NT5DC3: variants seen among roughly 807,000 people sequenced by gnomAD.
NT5DC3 encodes the protein 5'-nucleotidase domain containing 3.
In NT5DC3, 42 loss-of-function variants were observed where a neutral mutation model predicts 67.8. The ratio of observed to expected loss-of-function variants is 0.62; its 90% CI spans 0.48 to 0.80. The LOEUF (loss-of-function observed/expected upper bound fraction) is 0.80. NT5DC3 is among the 30% of genes least tolerant of loss of function. The pLI, the probability that NT5DC3 is intolerant of heterozygous loss-of-function variation, is 0.00. For missense variants in NT5DC3, 570 were observed against 696.4 expected (o/e 0.82, Z 2.04); for synonymous variants, 237 against 255.6 (o/e 0.93, Z 0.69).
intron 1 of NT5DC3, among the ~76,000 whole-genome samples, chr12:103,823,869 A>G (rs1158599437): frequency 6.6e-6 from 1 of 152,198 alleles, no homozygotes; most frequent in Non-Finnish European, 1.5e-5. Context: ...TCACATCCCT[A>G]ACTGCCAGTG....
intron 1 of NT5DC3, among the ~76,000 whole-genome samples, chr12:103,840,145 GA>G (rs1888317337): frequency 6.6e-6 from 1 of 152,200 alleles, no homozygotes; most frequent in Non-Finnish European, 1.5e-5. Context: ...CCCATCTATA[GA>G]ATGGGGATGT....
intron 2 of NT5DC3, among the ~76,000 whole-genome samples, chr12:103,814,634 A>G (rs561804422): frequency 1.9e-4 from 29 of 152,328 alleles, no homozygotes; most frequent in African/African-American, 6.7e-4. Flanking sequence ...CAGGCTGCCA[A>G]TTCATCAAGC....
downstream of NT5DC3, among the ~76,000 whole-genome samples, chr12:103,772,142 G>A: frequency 6.6e-6 from 1 of 152,102 alleles, no homozygotes; most frequent in East Asian, 1.9e-4. Flanking sequence ...ACTTTTTGAA[G>A]TCCCTTAGAA....
Position 103,840,371 on chromosome 12 carries a change from C to T in NT5DC3, c.208+578G>A, listed in dbSNP as rs570774381. ...CCTGGACCTCTCCTCTTTCAAACACCGCACAGCTCATCTCATCTCATCTCA... is the reference window on the plus strand; with the variant it reads ...CCTGGACCTCTCCTCTTTCAAACACTGCACAGCTCATCTCATCTCATCTCA... On this transcript the variant is annotated intron_variant, in intron 1 of 13. Coordinates refer to ENST00000392876, the MANE Select transcript of NT5DC3 (RefSeq NM_001031701.3). Among the ~76,000 whole-genome samples the T allele has an allele frequency of 1.9e-4, 21 of 113,168 alleles. No individual in the cohort carries two copies. The South Asian group carries it at 6.4e-3, about 34-fold the overall frequency. The allele number at this position is 113,168 out of a possible 152,430, so 74.2% of individuals were successfully genotyped here.
chr12:103,762,887 G>A, the NT5DC3 span, among the ~76,000 whole-genome samples: 16 of 152,342 alleles, frequency 1.1e-4, no homozygotes, highest in South Asian at 3.1e-3. Context: ...CCAATCAGCA[G>A]CCAGCTCTTG....
intron 1 of NT5DC3, among the ~76,000 whole-genome samples, chr12:103,829,883 CA>C (rs1295221180): frequency 8.0e-5 from 10 of 125,562 alleles, no homozygotes; most frequent in South Asian, 2.6e-4. Flanking sequence ...AGCTTTTAAT[CA>C]GAAAAAAAAA....
At chr12:103,750,878 G>A in the NT5DC3 span, among the ~76,000 whole-genome samples, 1 of 152,344 alleles carries the variant, frequency 6.6e-6, no homozygotes, top group East Asian at 1.9e-4. Context: ...ATCACTTGAG[G>A]TCAGGAGTTG....
intron 1 of NT5DC3, among the ~76,000 whole-genome samples, chr12:103,827,441 G>C (rs1441397743): frequency 6.6e-6 from 1 of 152,058 alleles, no homozygotes; most frequent in Non-Finnish European, 1.5e-5. Context: ...GTGTATAAAA[G>C]AGTACTGAGG....
chr12:103,788,893 C>T lies in NT5DC3; in HGVS notation c.1046G>A (p.Gly349Asp). 1 of 1,613,358 alleles carries T rather than the reference C, an allele frequency of 6.2e-7. No homozygotes were observed. Among genetic ancestry groups the T allele is most frequent in the Non-Finnish European group, 8.5e-7 (1 of 1,179,326 alleles). The change falls in exon 10 of 14, where the codon GGT becomes GAT. Residue 349 changes from glycine (G) to aspartate (D), a missense_variant. Gly to Asp is a moderately conservative substitution (Grantham distance 94). Coordinates refer to ENST00000392876, the MANE Select transcript of NT5DC3 (RefSeq NM_001031701.3). ...ATGGATTTTATCCCAGAGTAAGACA[C>T]CTTTCTCATTCATCTTTCGGAAAGG... ...RRPFRKMNEKGVLLWDKIHKL... is the reference protein window; with the variant it reads ...RRPFRKMNEKDVLLWDKIHKL...
chr12:103,796,754 A>C, intron 6 of NT5DC3, 140 bp downstream of exon 6: 1 of 792,844 alleles, frequency 1.3e-6, no homozygotes, highest in Non-Finnish European at 2.0e-6. Context: ...TGTAATGTTC[A>C]AGGTTAAACC....
At chr12:103,825,765 C>A (rs1427800138) in intron 1 of NT5DC3, among the ~76,000 whole-genome samples, 1 of 152,164 alleles carries the variant, frequency 6.6e-6, no homozygotes, top group African/African-American at 2.4e-5. Flanking sequence ...CAGAGCAAGA[C>A]CCTATCGAAG....
the NT5DC3 span, among the ~76,000 whole-genome samples, chr12:103,751,079 C>A: frequency 6.6e-6 from 1 of 152,332 alleles, no homozygotes; most frequent in Non-Finnish European, 1.5e-5. Context: ...AAAGGACCCA[C>A]AAACATAGTT....
At chr12:103,796,158 C>T (rs1038414406) in intron 6 of NT5DC3, among the ~76,000 whole-genome samples, 1 of 152,246 alleles carries the variant, frequency 6.6e-6, no homozygotes, top group African/African-American at 2.4e-5. Flanking sequence ...AAAAAGGCAT[C>T]CCTTCTGGGC....
chr12:103,755,384 G>T, the NT5DC3 span: 1 of 1,614,030 alleles, frequency 6.2e-7, no homozygotes, highest in African/African-American at 1.3e-5. Context: ...CAGAACTGTG[G>T]CTCTGGTGTG....
At chr12:103,824,881 T>G (rs1447980934) in intron 1 of NT5DC3, among the ~76,000 whole-genome samples, 1 of 152,134 alleles carries the variant, frequency 6.6e-6, no homozygotes, top group African/African-American at 2.4e-5. Context: ...AGTATCCTTG[T>G]AAATTGGTTT....
the NT5DC3 span, among the ~76,000 whole-genome samples, chr12:103,747,346 T>G: frequency 2.0e-4 from 30 of 152,274 alleles, no homozygotes; most frequent in East Asian, 5.6e-3. Flanking sequence ...TCCTATTGTC[T>G]CATATAACAG....
the NT5DC3 span, chr12:103,761,184 T>A: frequency 6.8e-6 from 6 of 881,604 alleles, no homozygotes; most frequent in Non-Finnish European, 1.1e-5. Flanking sequence ...TGCCTATCAG[T>A]GGAGACAAAC....
intron 2 of NT5DC3, among the ~76,000 whole-genome samples, chr12:103,813,972 CCTT>C (rs1255067602): frequency 1.3e-5 from 2 of 152,340 alleles, no homozygotes; most frequent in East Asian, 1.9e-4. Flanking sequence ...TGAAATATCA[CCTT>C]CTTCTTTGCT....
In NT5DC3 at chr12:103,795,908, A is replaced by G. The variant is rs548948073; in HGVS notation, c.753+986T>C. 1.5e-4 allele frequency among the ~76,000 whole-genome samples: 23 copies of G among 152,348 alleles called. No individual in the cohort carries two copies. The East Asian group carries it at 4.4e-3, about 29-fold the overall frequency. On this transcript the variant is annotated intron_variant, in intron 6 of 13. Transcript: ENST00000392876. ...ATGTGAAACGACATAAAGCAAAATC[A>G]ATTTTTTTCCTTGTCAAAACTAAAA... is the stretch of plus-strand genomic sequence containing the variant.
Sources: allele counts gnomAD v4.1 joint callset (sites outside exome capture counted in the v4.1 genomes callset), GRCh38; gene constraint gnomAD v4.1.1; transcripts MANE v1.5; gene names NCBI Gene and HGNC (gene_info 2026-07-23, HGNC 2026-07-21).